FURIN: variants seen among roughly 807,000 people sequenced by gnomAD.
FURIN encodes the protein furin, paired basic amino acid cleaving enzyme, also known as FES upstream region.
Under a neutral mutation model 89.2 loss-of-function variants are expected in FURIN, and 18 were observed. The observed-to-expected ratio is 0.20, with a 90% CI of 0.14 to 0.30. The LOEUF is 0.30. FURIN is among the 10% of genes least tolerant of loss of function. FURIN has a pLI of 1.00. For synonymous variants in FURIN, 508 were observed against 466.4 expected, an observed-to-expected ratio of 1.09 and a Z score of -1.15; for missense variants, 879 against 1,100.5, an observed-to-expected ratio of 0.80 and a Z score of 2.85.
intron 1 of FURIN, among the ~76,000 whole-genome samples, chr15:90,871,854 C>G (rs530000767): frequency 7.3e-4 from 110 of 150,680 alleles, no homozygotes; most frequent in African/African-American, 2.5e-3. Context: ...GTGGAGCTGC[C>G]GGGAGCAGAC....
intron 1 of FURIN, among the ~76,000 whole-genome samples, chr15:90,870,759 G>A (rs1158195984): frequency 1.3e-5 from 2 of 152,176 alleles, no homozygotes; most frequent in Admixed American, 6.5e-5. Flanking sequence ...AAACACCCCA[G>A]TCTCTTGCAG....
In FURIN at chr15:90,876,391, C is replaced by A. The variant is rs776173558; in HGVS notation, c.276+38C>A. 3 of 1,516,558 alleles carry A rather than the reference C, an allele frequency of 2.0e-6. No individual in the cohort carries two copies. Among genetic ancestry groups the A allele is most frequent in the South Asian group, 2.2e-5 (2 of 89,184 alleles). 93.9% of individuals were successfully genotyped at this position (1,516,558 alleles called of 1,614,324 possible). On this transcript the variant is annotated intron_variant, in intron 3 of 15. Transcript: ENST00000268171. This position sits in a 1 kb window ranked among gnomAD's most constrained non-coding sequence, Gnocchi z 5.0. ...CCAGCCCCCTCCTGCTGCCACCCTC[C>A]CCCTCCTGCTCTCAGGAGCCCCTCT...
At position 90,875,687 on chromosome 15, in the gene FURIN, T is replaced by A; in HGVS notation, c.-54T>A. On this transcript the variant is annotated 5_prime_UTR_variant, in exon 2 of 16. Coordinates refer to ENST00000268171, the MANE Select transcript of FURIN (RefSeq NM_002569.4). ...AGCAGGCACCTGGGAGCCGAGGCCCTGTGACCAGGCCAAGGAGACGGGCGC... is the reference window on the plus strand; with the variant it reads ...AGCAGGCACCTGGGAGCCGAGGCCCAGTGACCAGGCCAAGGAGACGGGCGC... 6.9e-7 allele frequency: 1 copy of A among 1,451,434 alleles called. No individual in the cohort carries two copies. The highest frequency in any genetic ancestry group is 9.2e-7 in the Non-Finnish European group (1 of 1,088,240). 89.9% of individuals were successfully genotyped at this position (1,451,434 alleles called of 1,614,324 possible).
chr15:90,875,029 CTTT>C lies in FURIN; in HGVS notation c.-159-533_-159-531del, dbSNP rs11343964. On this transcript the variant is annotated intron_variant, in intron 1 of 15. Coordinates refer to ENST00000268171, the MANE Select transcript of FURIN (RefSeq NM_002569.4). ...TCTTCATCCTGCTTCTTCTGTTACA[CTTT>C]TTTTTTTTTTTTTTTTTTTGAGAGG... 9.3e-4 allele frequency among the ~76,000 whole-genome samples: 94 copies of C among 101,260 alleles called. 2 individuals are homozygous for C. Among genetic ancestry groups the C allele is most frequent in the African/African-American group, 3.5e-3 (82 of 23,366 alleles). The allele number at this position is 101,260 out of a possible 152,430, so 66.4% of individuals were successfully genotyped here.
In FURIN at chr15:90,879,694, T is replaced by C. The variant is rs2031835045; in HGVS notation, c.1178T>C (p.Met393Thr). 27 of 1,613,598 alleles carry C rather than the reference T, an allele frequency of 1.7e-5. No homozygotes were observed. The highest frequency in any genetic ancestry group is 2.2e-5 in the South Asian group (2 of 91,082). The change falls in exon 11 of 16, where the codon ATG becomes ACG. Residue 393 changes from methionine to threonine, a missense_variant. Physicochemically the swap from Met to Thr is moderately conservative, Grantham distance 81 (BLOSUM62 -1). Transcript: ENST00000268171. ...AGTAAGAACCTCACATGGCGGGACATGCAACACCTGGTGGTACAGACCTCG... is the reference window on the plus strand; with the variant it reads ...AGTAAGAACCTCACATGGCGGGACACGCAACACCTGGTGGTACAGACCTCG... ...EANKNLTWRD[M>T]QHLVVQTSKP...
Position 90,876,758 on chromosome 15 carries a change from C to A in FURIN, c.373-138C>A. 1 of 994,502 alleles carries A rather than the reference C, an allele frequency of 1.0e-6. No individual in the cohort carries two copies. The highest frequency in any genetic ancestry group is 1.5e-6 in the Non-Finnish European group (1 of 656,496). 61.6% of individuals were successfully genotyped at this position (994,502 alleles called of 1,614,324 possible). A position where few individuals can be genotyped will look rare whatever the true frequency, so the allele number is the denominator to read the frequency against. ...GAGTCCTCTACATTCCCATGGAGTC[C>A]AGACAGCCAGTGGCGGCCTTTCAGG... On this transcript the variant is annotated intron_variant, in intron 4 of 15. Transcript: ENST00000268171. This position sits in a 1 kb window ranked among gnomAD's most constrained non-coding sequence, Gnocchi z 5.0.
chr15:90,880,338 T>A, intron 13 of FURIN, 65 bp downstream of exon 13: 6 of 1,341,956 alleles, frequency 4.5e-6, no homozygotes, highest in Non-Finnish European at 6.2e-6. Flanking sequence ...CGTGCTTGCC[T>A]TTGCTCGCTC....
In FURIN at chr15:90,878,177, G is replaced by A. The variant is rs757314750; in HGVS notation, c.713G>A (p.Arg238His). The A allele has an allele frequency of 9.9e-6, 16 of 1,613,768 alleles. No homozygotes were observed. Among genetic ancestry groups the A allele is most frequent in the East Asian group, 2.2e-5 (1 of 44,900 alleles). ...DGEVTDAVEA[R>H]SLGLNPNHIH... is the part of the protein sequence containing the mutation. Reference sequence around the variant, plus strand: ...GAGGTGACAGATGCAGTGGAGGCACGCTCGCTGGGCCTGAACCCCAACCAC... The same window carrying A: ...GAGGTGACAGATGCAGTGGAGGCACACTCGCTGGGCCTGAACCCCAACCAC... Residue 238 changes from arginine to histidine, a missense_variant, in exon 8 of 16, where the codon CGC becomes CAC. Transcript: ENST00000268171.
rs558127784 is a variant in FURIN at position 90,870,054 on chromosome 15, C to T, written c.-160+1343C>T. Reference sequence around the variant, plus strand: ...GACAAGGCCAACTGGACTTATCTTCCCGCTCAACTTTGAGGACCCAGCATT... The same window carrying T: ...GACAAGGCCAACTGGACTTATCTTCTCGCTCAACTTTGAGGACCCAGCATT... On this transcript the variant is annotated intron_variant, in intron 1 of 15. Transcript: ENST00000268171. Among the ~76,000 whole-genome samples the T allele has an allele frequency of 2.3e-4, 35 of 152,334 alleles. No homozygotes were observed. In the South Asian group the frequency reaches 6.0e-3, roughly 26 times the overall value.
rs766795155 is a variant in FURIN at position 90,880,965 on chromosome 15, A to G, written c.1717A>G (p.Thr573Ala). Residue 573 changes from threonine to alanine, a missense_variant, in exon 15 of 16, where the codon ACC (threonine) becomes GCC (alanine). Thr to Ala is a moderately conservative substitution (Grantham distance 58). This residue lies in a region of FURIN where 457 missense variants were observed against 490.7 expected (regional missense o/e 0.93). Coordinates refer to ENST00000268171, the MANE Select transcript of FURIN (RefSeq NM_002569.4). ...CAAGTTCACCCTCGTACTCTATGGC[A>G]CCGCCCCTGAGGGGCTGCCCGTACC... The part of the protein sequence containing the change: ...LTKFTLVLYG[T>A]APEGLPVPPE... 1 of 1,613,966 alleles carries G rather than the reference A, an allele frequency of 6.2e-7. No homozygotes were observed. Among genetic ancestry groups the G allele is most frequent in the South Asian group, 1.1e-5 (1 of 91,070 alleles).
Position 90,882,334 on chromosome 15 carries a change from A to G in FURIN, c.*456A>G, listed in dbSNP as rs1596080745. On this transcript the variant is annotated 3_prime_UTR_variant, in exon 16 of 16. Coordinates refer to ENST00000268171, the MANE Select transcript of FURIN (RefSeq NM_002569.4). Reference sequence around the variant, plus strand: ...CTCTCCAAGGGCTTCTGCACCCTCCACCCTGTCCCCCAGCTCTGGTGAGTC... The same window carrying G: ...CTCTCCAAGGGCTTCTGCACCCTCCGCCCTGTCCCCCAGCTCTGGTGAGTC... 5.8e-6 allele frequency: 1 copy of G among 171,412 alleles called. No homozygotes were observed. The allele number at this position is 171,412 out of a possible 1,614,324, so 10.6% of individuals were successfully genotyped here.
In FURIN at chr15:90,878,139, C is replaced by T. The variant is rs967228631; in HGVS notation, c.675C>T (p.Arg225=). ...CCCCCCCTTCACGGCCAGGGGTGCG[C>T]ATGCTGGATGGCGAGGTGACAGATG... ...VAYNARIGGV[R]MLDGEVTDAV... is the part of the protein sequence containing the mutation. Residue 225 remains arginine (R), a synonymous_variant, in exon 8 of 16, where the codon CGC becomes CGT. Transcript: ENST00000268171. 6.2e-7 allele frequency: 1 copy of T among 1,613,676 alleles called. No individual in the cohort carries two copies. The highest frequency in any genetic ancestry group is 1.3e-5 in the African/African-American group (1 of 74,930).
rs2031854969 is a variant in FURIN at position 90,879,936 on chromosome 15, C to T, written c.1328C>T (p.Thr443Ile). ...GTGGCCCTGGCCCAGAATTGGACCA[C>T]AGTGGCCCCCCAGCGGAAGTGCATC... is the stretch of plus-strand genomic sequence containing the variant. ...AMVALAQNWT[T>I]VAPQRKCIID... Residue 443 changes from threonine to isoleucine, a missense_variant, in exon 12 of 16, where the codon ACA becomes ATA. Around this residue, in one of 5 missense-constraint regions of FURIN, gnomAD observed 457 missense variants for 490.7 expected, o/e 0.93. Coordinates refer to ENST00000268171, the MANE Select transcript of FURIN (RefSeq NM_002569.4). 4.3e-6 allele frequency: 7 copies of T among 1,613,236 alleles called. No individual in the cohort carries two copies. In the Admixed American group the frequency reaches 5.0e-5, roughly 12 times the overall value.
intron 1 of FURIN, among the ~76,000 whole-genome samples, chr15:90,869,847 G>A (rs2031204609): frequency 6.6e-6 from 1 of 152,220 alleles, no homozygotes; most frequent in South Asian, 2.1e-4. Context: ...GGTAGGTGGG[G>A]CCAGCCCTGT....
At chr15:90,871,764 C>G (rs1475970242) in intron 1 of FURIN, among the ~76,000 whole-genome samples, 10 of 149,084 alleles carry the variant, frequency 6.7e-5, no homozygotes, top group African/African-American at 2.5e-4. Context: ...GCACTGGCGC[C>G]GGTGCAGCCC....
chr15:90,875,805 C>G lies in FURIN; in HGVS notation c.65C>G (p.Ala22Gly). 1.3e-6 allele frequency: 2 copies of G among 1,562,262 alleles called. No individual in the cohort carries two copies. The highest frequency in any genetic ancestry group is 4.7e-5 in the East Asian group (2 of 42,786). Residue 22 changes from alanine to glycine, a missense_variant, in exon 2 of 16, where the codon GCT becomes GGT. Coordinates refer to ENST00000268171, the MANE Select transcript of FURIN (RefSeq NM_002569.4). ...AATGTLVLLA[A>G]DAQGQKVFTN... The stretch of plus-strand genomic sequence containing the variant: ...ACAGGAACCTTGGTCCTGCTAGCAG[C>G]TGATGCTCAGGGCCAGAAGGTCTTC...
chr15:90,877,257 C>T, intron 6 of FURIN, 46 bp downstream of exon 6: 1 of 1,448,212 alleles, frequency 6.9e-7, no homozygotes. Flanking sequence ...CTCCTTTCTT[C>T]CACTAAGGAA....
chr15:90,879,968 A>G lies in FURIN; in HGVS notation c.1360A>G (p.Ile454Val), dbSNP rs2031858159. ...VAPQRKCIID[I>V]LTEPKDIGKR... ...CCCCCAGCGGAAGTGCATCATCGACATCCTCACCGAGCCCAAGTGAGGGCT... is the reference window on the plus strand; with the variant it reads ...CCCCCAGCGGAAGTGCATCATCGACGTCCTCACCGAGCCCAAGTGAGGGCT... The change falls in exon 12 of 16, where the codon ATC becomes GTC. Residue 454 changes from isoleucine (I) to valine (V), a missense_variant. Ile to Val is a conservative substitution (Grantham distance 29). Transcript: ENST00000268171. 1 of 1,612,726 alleles carries G rather than the reference A, an allele frequency of 6.2e-7. No individual in the cohort carries two copies. The highest frequency in any genetic ancestry group is 1.1e-5 in the South Asian group (1 of 91,070).
chr15:90,881,816 T>C lies in FURIN; in HGVS notation c.2323T>C (p.Ser775Pro). Residue 775 changes from serine (S) to proline (P), a missense_variant, in exon 16 of 16, where the codon TCA becomes CCA. Physicochemically the swap from Ser to Pro is moderately conservative, Grantham distance 74. This residue lies in a region of FURIN where 457 missense variants were observed against 490.7 expected (regional missense o/e 0.93). Coordinates refer to ENST00000268171, the MANE Select transcript of FURIN (RefSeq NM_002569.4). This position sits in a 1 kb window ranked among gnomAD's most constrained non-coding sequence, Gnocchi z 4.3. ...CTGGCAGGAGGAGTGCCCGTCTGAC[T>C]CAGAAGAGGACGAGGGCCGGGGCGA... ...EAWQEECPSD[S>P]EEDEGRGERT... The C allele has an allele frequency of 6.2e-7, 1 of 1,613,496 alleles. No individual in the cohort carries two copies. The highest frequency in any genetic ancestry group is 8.5e-7 in the Non-Finnish European group (1 of 1,179,970).
Sources: allele counts gnomAD v4.1 joint callset (sites outside exome capture counted in the v4.1 genomes callset), GRCh38; gene constraint gnomAD v4.1.1; regional missense constraint gnomAD v4.1.1; non-coding constraint Gnocchi (gnomAD v3.1); transcripts MANE v1.5; gene names NCBI Gene and HGNC (gene_info 2026-07-23, HGNC 2026-07-21).